CNTLN: variants seen among roughly 807,000 people sequenced by gnomAD.
CNTLN encodes centlein, centrosomal protein.
In CNTLN, 212 loss-of-function variants were observed where a neutral mutation model predicts 180.0. The observed-to-expected ratio is 1.18, with a 90% confidence interval of 1.05 to 1.32. The LOEUF is 1.32. Ranked by LOEUF, CNTLN falls within the 40% of genes most tolerant of loss-of-function variation. CNTLN has a pLI of 0.00. For synonymous variants in CNTLN, 722 were observed against 563.1 expected, an observed-to-expected ratio of 1.28 and a Z score of -3.99; for missense variants, 2,095 against 1,610.9, an observed-to-expected ratio of 1.30 and a Z score of -5.14.
intron 1 of CNTLN, 80 bp downstream of exon 1, chr9:17,135,505 G>A: frequency 1.3e-6 from 2 of 1,482,172 alleles, no homozygotes; most frequent in Non-Finnish European, 9.0e-7. Context: ...TTCTCCCTCT[G>A]CCTTGGGACC....
intron 6 of CNTLN, among the ~76,000 whole-genome samples, chr9:17,295,076 G>C (rs116245385): frequency 0.018 from 2,799 of 152,032 alleles, 92 homozygotes; most frequent in African/African-American, 0.064. Flanking sequence ...GCTGGCCTGG[G>C]TGCTAAGCCC....
At chr9:17,521,879 T>G in the CNTLN span, among the ~76,000 whole-genome samples, 2 of 152,226 alleles carry the variant, frequency 1.3e-5, no homozygotes, top group African/African-American at 4.8e-5. Flanking sequence ...CAAATGCTGA[T>G]TTATTTATAG....
At chr9:17,237,487 A>C (rs1337892907) in intron 5 of CNTLN, among the ~76,000 whole-genome samples, 1 of 151,978 alleles carries the variant, frequency 6.6e-6, no homozygotes, top group Non-Finnish European at 1.5e-5. Flanking sequence ...AGAAAAAAAA[A>C]ACAACACAAT....
At chr9:17,307,613 G>A (rs1272905776) in intron 7 of CNTLN, among the ~76,000 whole-genome samples, 2 of 152,030 alleles carry the variant, frequency 1.3e-5, no homozygotes, top group Admixed American at 1.3e-4. Context: ...GGTATATTGA[G>A]CTAATTATAT....
chr9:17,438,848 A>G (rs1179704084), intron 18 of CNTLN, among the ~76,000 whole-genome samples: 1 of 152,210 alleles, frequency 6.6e-6, no homozygotes, highest in Non-Finnish European at 1.5e-5. Flanking sequence ...CCAAGATCTG[A>G]GCTCTAGGCC....
At chr9:17,295,590 T>C (rs1340306832) in intron 6 of CNTLN, among the ~76,000 whole-genome samples, 1 of 152,160 alleles carries the variant, frequency 6.6e-6, no homozygotes, top group African/African-American at 2.4e-5. Context: ...TTTGTTCTTC[T>C]TGGTGGGGGG....
intron 13 of CNTLN, among the ~76,000 whole-genome samples, chr9:17,387,921 A>G (rs1464884251): frequency 6.8e-6 from 1 of 146,154 alleles, no homozygotes; most frequent in Non-Finnish European, 1.5e-5. Flanking sequence ...CTGAAGATCT[A>G]TTGTACTTTT....
intron 6 of CNTLN, among the ~76,000 whole-genome samples, chr9:17,292,784 T>G (rs1055396612): frequency 6.6e-6 from 1 of 152,164 alleles, no homozygotes; most frequent in Non-Finnish European, 1.5e-5. Context: ...TTACCCACCT[T>G]CTGAGGCCTA....
chr9:17,278,246 G>A (rs796066295), intron 6 of CNTLN, among the ~76,000 whole-genome samples: 6 of 151,858 alleles, frequency 4.0e-5, no homozygotes, highest in African/African-American at 1.5e-4. Context: ...GCTAAGCAGA[G>A]TAGAGATGAT....
chr9:17,339,747 A>T (rs898950456), intron 10 of CNTLN, among the ~76,000 whole-genome samples: 2 of 152,226 alleles, frequency 1.3e-5, no homozygotes, highest in African/African-American at 4.8e-5. Context: ...ACTTTGAGAA[A>T]CACAGTTTAT....
intron 12 of CNTLN, among the ~76,000 whole-genome samples, chr9:17,359,196 T>C (rs1464116115): frequency 6.6e-6 from 1 of 151,824 alleles, no homozygotes; most frequent in South Asian, 2.1e-4. Context: ...TTTTTTGTAC[T>C]TTTGTAGAGA....
intron 8 of CNTLN, among the ~76,000 whole-genome samples, chr9:17,322,292 A>T (rs1466414140): frequency 6.6e-6 from 1 of 152,120 alleles, no homozygotes; most frequent in African/African-American, 2.4e-5. Context: ...TAAAAGAAAA[A>T]TTTGAAGTCT....
chr9:17,502,578 G>A lies in CNTLN; in HGVS notation c.4147G>A (p.Ala1383Thr), dbSNP rs765310949. ...QLPFASYLLE[A>T]VLEKINEKKK... The stretch of plus-strand genomic sequence containing the variant: ...TCCTTTTGCCTCATATTTACTAGAA[G>A]CAGTACTGGAAAAAATAAATGAAAA... Residue 1383 changes from alanine (A) to threonine (T), a missense_variant, in exon 26 of 26, where the codon GCA becomes ACA. Transcript: ENST00000380647. The A allele has an allele frequency of 5.0e-6, 7 of 1,407,672 alleles. No homozygotes were observed. The highest frequency in any genetic ancestry group is 6.8e-6 in the Non-Finnish European group (7 of 1,029,770). The allele number at this position is 1,407,672 out of a possible 1,614,324, so 87.2% of individuals were successfully genotyped here. A position where few individuals can be genotyped will look rare whatever the true frequency, so the allele number is the denominator to read the frequency against.
chr9:17,250,474 C>T lies in CNTLN; in HGVS notation c.849+13886C>T, dbSNP rs141704761. ...TTCCTTAGTTGATTTTTTCTAGTGA[C>T]ACATTTCGATTTTGTTTGTTTAGTA... On this transcript the variant is annotated intron_variant, in intron 5 of 25. Transcript: ENST00000380647. Among the ~76,000 whole-genome samples, 268 of 151,938 alleles carry T rather than the reference C, an allele frequency of 1.8e-3. 1 individual carries two copies. The highest frequency in any genetic ancestry group is 6.1e-3 in the African/African-American group (254 of 41,502).
At chr9:17,328,984 A>T (rs942651334) in intron 8 of CNTLN, among the ~76,000 whole-genome samples, 6 of 151,966 alleles carry the variant, frequency 3.9e-5, no homozygotes, top group Admixed American at 3.3e-4. Context: ...CTTATATTTG[A>T]GTTATTTATC....
chr9:17,518,956 C>A, the CNTLN span, among the ~76,000 whole-genome samples: 1 of 152,160 alleles, frequency 6.6e-6, no homozygotes, highest in Non-Finnish European at 1.5e-5. Context: ...GAGACAGGGT[C>A]TCTGTCACCC....
chr9:17,309,478 T>C lies in CNTLN; in HGVS notation c.1341+226T>C, dbSNP rs139235479. On this transcript the variant is annotated intron_variant, in intron 8 of 25. Coordinates refer to ENST00000380647, the MANE Select transcript of CNTLN (RefSeq NM_017738.4). ...GTAGAAGTACAGGGTCTAGCAAATA[T>C]AGTTATCGTGATGAAACATTTGGCT... Among the ~76,000 whole-genome samples, 256 of 152,224 alleles carry C rather than the reference T, an allele frequency of 1.7e-3. 1 individual carries two copies. Among genetic ancestry groups the C allele is most frequent in the African/African-American group, 5.8e-3 (242 of 41,578 alleles).
intron 8 of CNTLN, among the ~76,000 whole-genome samples, chr9:17,327,446 A>AGTGCTGG (rs1460203373): frequency 6.7e-6 from 1 of 149,872 alleles, no homozygotes; most frequent in African/African-American, 2.5e-5. Context: ...GGCCTCCCGA[A>AGTGCTGG]GTGCTGGGAT....
rs1027472561 is a variant in CNTLN, at chr9:17,395,137, G to A, written c.2615+68G>A. The A allele has an allele frequency of 1.4e-5, 21 of 1,490,338 alleles. No homozygotes were observed. In the South Asian group the frequency reaches 1.6e-4, roughly 11 times the overall value. The allele number at this position is 1,490,338 out of a possible 1,614,324, so 92.3% of individuals were successfully genotyped here. A position where few individuals can be genotyped will look rare whatever the true frequency, so the allele number is the denominator to read the frequency against. On this transcript the variant is annotated intron_variant, in intron 15 of 25. Transcript: ENST00000380647. ...CATATGTAAAGCACTAGCAAATGGAGATTGAATTTCAACTACTGTCGATTT... is the reference window on the plus strand; with the variant it reads ...CATATGTAAAGCACTAGCAAATGGAAATTGAATTTCAACTACTGTCGATTT...
Sources: gnomAD v4.1 joint callset for allele counts (sites outside exome capture counted in the v4.1 genomes callset) on GRCh38, gnomAD v4.1.1 for gene constraint, MANE v1.5 for transcripts, NCBI Gene and HGNC (gene_info 2026-07-23, HGNC 2026-07-21) for gene names.